Variants in BFSP1 observed in about 807,000 individuals in gnomAD.
The protein encoded by BFSP1 is filensin.
Under a neutral mutation model 43.9 loss-of-function variants are expected in BFSP1, and 38 were observed. The observed-to-expected ratio is 0.87, with a 90% CI of 0.67 to 1.14. The LOEUF is 1.14. BFSP1 is among the 50% of genes most tolerant of loss of function. The probability of loss-of-function intolerance (pLI) is 0.00; values close to 1 mark genes in which losing one functional copy is unlikely to be tolerated. For synonymous variants in BFSP1, 352 were observed against 354.8 expected, an observed-to-expected ratio of 0.99 and a Z score of 0.09; for missense variants, 850 against 875.1, an observed-to-expected ratio of 0.97 and a Z score of 0.36.
chr20:17,556,850 AT>A (rs35064599), intron 1 of BFSP1, among the ~76,000 whole-genome samples: 13,120 of 152,202 alleles, frequency 0.086, 801 homozygotes, highest in Non-Finnish European at 0.13. Flanking sequence ...CATTTTCAAC[AT>A]TTTTTTCCCC....
At chr20:17,566,701 A>C (rs1160268094) in intron 1 of BFSP1, among the ~76,000 whole-genome samples, 1 of 152,070 alleles carries the variant, frequency 6.6e-6, no homozygotes, top group Non-Finnish European at 1.5e-5. Flanking sequence ...GTTGCCCAGG[A>C]TGGAGTGCAG....
chr20:17,539,289 T>C (rs1168312955), intron 1 of BFSP1, among the ~76,000 whole-genome samples: 2 of 151,534 alleles, frequency 1.3e-5, no homozygotes, highest in Non-Finnish European at 2.9e-5. Flanking sequence ...TTTTAAACTG[T>C]TTCATACACA....
At chr20:17,553,373 G>C (rs971748696) in intron 1 of BFSP1, among the ~76,000 whole-genome samples, 1 of 151,922 alleles carries the variant, frequency 6.6e-6, no homozygotes, top group Non-Finnish European at 1.5e-5. Context: ...AATTCACAGG[G>C]TAGACAAAAA....
intron 1 of BFSP1, among the ~76,000 whole-genome samples, chr20:17,539,482 A>G (rs2034681485): frequency 6.6e-6 from 1 of 152,144 alleles, no homozygotes; most frequent in Non-Finnish European, 1.5e-5. Context: ...GGGGCTGGGC[A>G]TCTGGCTCTC....
intron 1 of BFSP1, among the ~76,000 whole-genome samples, chr20:17,567,480 A>G (rs2035132528): frequency 6.6e-6 from 1 of 152,160 alleles, no homozygotes; most frequent in African/African-American, 2.4e-5. Flanking sequence ...TAGCATCTGC[A>G]TCTCCTGGGG....
At chr20:17,562,202 G>A (rs2035072803), upstream of BFSP1, among the ~76,000 whole-genome samples, 1 of 151,674 alleles carries the variant, frequency 6.6e-6, no homozygotes, top group Non-Finnish European at 1.5e-5. Flanking sequence ...TTAGAGGCAT[G>A]AGCCACCGCG....
At chr20:17,534,947 A>G (rs113918506), upstream of BFSP1, among the ~76,000 whole-genome samples, 2,904 of 152,050 alleles carry the variant, frequency 0.019, 37 homozygotes, top group African/African-American at 0.027. Flanking sequence ...TTGAATCCGG[A>G]GGGGTAGAGG....
intron 1 of BFSP1, among the ~76,000 whole-genome samples, chr20:17,551,454 G>A (rs2034894749): frequency 6.6e-6 from 1 of 152,112 alleles, no homozygotes; most frequent in Non-Finnish European, 1.5e-5. Context: ...CTCCCACCAG[G>A]CCCCTCTTCT....
intron 1 of BFSP1, among the ~76,000 whole-genome samples, chr20:17,545,269 C>T (rs894652893): frequency 2.6e-5 from 4 of 152,010 alleles, no homozygotes; most frequent in African/African-American, 4.8e-5. Flanking sequence ...CTGGGCTGGA[C>T]GAAGCACAGG....
intron 1 of BFSP1, among the ~76,000 whole-genome samples, chr20:17,547,961 T>C (rs2034832989): frequency 1.4e-5 from 2 of 144,708 alleles, no homozygotes; most frequent in East Asian, 4.0e-4. Context: ...CTTGGCCAGG[T>C]TGGTCTCAAA....
Position 17,495,033 on chromosome 20 carries a change from GA to G in BFSP1, c.1043-5del. 6.3e-7 allele frequency: 1 copy of G among 1,592,150 alleles called. No homozygotes were observed. ...TCCTGCAGAGCTCTGGTAAGATCTG[GA>G]AAAACACACAGGCAGAAATTCAAGT... is the stretch of plus-strand genomic sequence containing the variant. On this transcript the variant is annotated splice_region_variant and splice_polypyrimidine_tract_variant and intron_variant, in intron 7 of 7. Transcript: ENST00000377873.
At chr20:17,498,057 G>A (rs891292378) in intron 6 of BFSP1, among the ~76,000 whole-genome samples, 5 of 152,130 alleles carry the variant, frequency 3.3e-5, no homozygotes, top group African/African-American at 7.2e-5. Context: ...CCAAGCATTC[G>A]AGTGCTCACA....
At chr20:17,566,564 A>G (rs2035121821) in intron 1 of BFSP1, among the ~76,000 whole-genome samples, 1 of 152,222 alleles carries the variant, frequency 6.6e-6, no homozygotes, top group Admixed American at 6.5e-5. Context: ...AGTCACCAGC[A>G]GATTCAGTGT....
intron 1 of BFSP1, among the ~76,000 whole-genome samples, chr20:17,528,601 C>T (rs752363842): frequency 6.6e-5 from 10 of 152,122 alleles, no homozygotes; most frequent in Non-Finnish European, 8.8e-5. Flanking sequence ...ACAGTGTTCC[C>T]GAAAGAGCAT....
chr20:17,531,279 G>C lies in BFSP1; in HGVS notation c.51C>G (p.His17Gln). The C allele has an allele frequency of 2.1e-6, 3 of 1,462,690 alleles. No homozygotes were observed. In the South Asian group the frequency reaches 4.0e-5, roughly 19 times the overall value. The allele number at this position is 1,462,690 out of a possible 1,614,324, so 90.6% of individuals were successfully genotyped here. Residue 17 changes from histidine (H) to glutamine (Q), a missense_variant, in exon 1 of 8, where the codon CAC (histidine) becomes CAG (glutamine). By Grantham distance (24) the His-to-Gln change is conservative (BLOSUM62 0). Coordinates refer to ENST00000377873, the MANE Select transcript of BFSP1 (RefSeq NM_001195.5). ...VFQTRKEQYE[H>Q]ADEASRAAEP... ...CGGCGGCGCGCGAAGCCTCGTCGGC[G>C]TGCTCGTACTGCTCCTTGCGGGTCT...
At chr20:17,528,441 A>G (rs559576301) in intron 1 of BFSP1, among the ~76,000 whole-genome samples, 3 of 152,232 alleles carry the variant, frequency 2.0e-5, no homozygotes, top group Non-Finnish European at 4.4e-5. Context: ...AAGGCCATCC[A>G]GGGAATCTTG....
chr20:17,553,836 TAC>T (rs2034941367), intron 1 of BFSP1, among the ~76,000 whole-genome samples: 1 of 74,140 alleles, frequency 1.3e-5, no homozygotes, highest in African/African-American at 9.4e-5. Flanking sequence ...TATATATATA[TAC>T]ACATATATAT....
At chr20:17,542,554 G>T (rs756227381) in intron 1 of BFSP1, among the ~76,000 whole-genome samples, 4 of 151,918 alleles carry the variant, frequency 2.6e-5, no homozygotes, top group Admixed American at 6.6e-5. Flanking sequence ...AGCTATGATC[G>T]CACCATTGCA....
intron 4 of BFSP1, among the ~76,000 whole-genome samples, chr20:17,510,939 T>C (rs150674589): frequency 8.8e-4 from 134 of 152,352 alleles, no homozygotes; most frequent in African/African-American, 3.1e-3. Context: ...TTTATTTAAT[T>C]TGCATCATTT....
Sources: allele counts gnomAD v4.1 joint callset (sites outside exome capture counted in the v4.1 genomes callset), GRCh38; gene constraint gnomAD v4.1.1; transcripts MANE v1.5; gene names NCBI Gene and HGNC (gene_info 2026-07-23, HGNC 2026-07-21).